Variants in STX8 observed in about 807,000 individuals in gnomAD.
STX8 encodes syntaxin 8, also known as syntaxin-8.
In STX8, 23 loss-of-function variants were observed where a neutral mutation model predicts 37.5. That is an observed-to-expected ratio of 0.61 (90% CI 0.44 to 0.87). The LOEUF is 0.87. STX8 is among the 40% of genes least tolerant of loss of function. The probability of loss-of-function intolerance (pLI) is 0.00; values close to 1 mark genes in which losing one functional copy is unlikely to be tolerated. For missense variants in STX8, 313 were observed against 284.7 expected (o/e 1.10, Z -0.71); for synonymous variants, 115 against 99.1 (o/e 1.16, Z -0.95).
chr17:9,427,222 C>T (rs756973350), intron 6 of STX8, among the ~76,000 whole-genome samples: 3 of 152,066 alleles, frequency 2.0e-5, no homozygotes, highest in Non-Finnish European at 4.4e-5. Flanking sequence ...GTGGCAGACC[C>T]GTTCCCAGGT....
intron 5 of STX8, among the ~76,000 whole-genome samples, chr17:9,495,718 C>T (rs963062924): frequency 6.6e-6 from 1 of 152,204 alleles, no homozygotes; most frequent in African/African-American, 2.4e-5. Context: ...ATTTTCATTA[C>T]ACAATCCAAA....
At chr17:9,325,084 G>C (rs1909711399) in intron 7 of STX8, among the ~76,000 whole-genome samples, 1 of 152,202 alleles carries the variant, frequency 6.6e-6, no homozygotes, top group Non-Finnish European at 1.5e-5. Context: ...GTGATGTACT[G>C]TGTTGCCAGA....
chr17:9,406,361 A>G (rs1004245266), intron 6 of STX8, among the ~76,000 whole-genome samples: 7 of 152,208 alleles, frequency 4.6e-5, no homozygotes, highest in African/African-American at 1.2e-4. Flanking sequence ...GTGGTATACA[A>G]TTTACTGGAG....
intron 6 of STX8, among the ~76,000 whole-genome samples, chr17:9,470,703 T>C: frequency 6.6e-6 from 1 of 152,184 alleles, no homozygotes; most frequent in Non-Finnish European, 1.5e-5. Context: ...CAGAAAAAGC[T>C]AACACAGCAG....
chr17:9,354,446 C>T (rs150317322), intron 7 of STX8, among the ~76,000 whole-genome samples: 27 of 151,618 alleles, frequency 1.8e-4, no homozygotes, highest in South Asian at 8.4e-4. Context: ...CTCGGCTTCC[C>T]GAGTGGTTGG....
intron 7 of STX8, among the ~76,000 whole-genome samples, chr17:9,339,028 G>A (rs565203974): frequency 1.4e-4 from 20 of 144,906 alleles, no homozygotes; most frequent in African/African-American, 5.3e-4. Context: ...CAGAGATCAT[G>A]CCACTGCACT....
intron 3 of STX8, among the ~76,000 whole-genome samples, chr17:9,555,895 CAAA>C (rs1002394213): frequency 1.1e-5 from 1 of 92,098 alleles, no homozygotes; most frequent in Non-Finnish European, 2.4e-5. Flanking sequence ...GACTCCGTCT[CAAA>C]AAAAAAAAAA....
chr17:9,359,199 C>T (rs973832646), intron 7 of STX8, among the ~76,000 whole-genome samples: 4 of 151,644 alleles, frequency 2.6e-5, no homozygotes, highest in East Asian at 3.9e-4. Flanking sequence ...CCTGCCACCA[C>T]GCCTGGCTAA....
chr17:9,276,631 T>TG (rs540815841), intron 7 of STX8, among the ~76,000 whole-genome samples: 27 of 150,940 alleles, frequency 1.8e-4, no homozygotes, highest in Non-Finnish European at 3.1e-4. Context: ...TTTGTTTGTT[T>TG]TTTTTTTTTG....
At chr17:9,503,616 G>A (rs192005936) in intron 5 of STX8, among the ~76,000 whole-genome samples, 7 of 152,264 alleles carry the variant, frequency 4.6e-5, no homozygotes, top group Admixed American at 3.3e-4. Context: ...AAGCCATCCT[G>A]CTGCCTTGGC....
chr17:9,296,311 A>G (rs1011316119), intron 7 of STX8, among the ~76,000 whole-genome samples: 1 of 131,550 alleles, frequency 7.6e-6, no homozygotes, highest in Admixed American at 7.6e-5. Context: ...GCACCACTGC[A>G]CTCCAGCCTG....
intron 5 of STX8, among the ~76,000 whole-genome samples, chr17:9,492,299 A>G (rs62066189): frequency 0.17 from 25,910 of 152,196 alleles, 2,358 homozygotes; most frequent in South Asian, 0.24. Context: ...ATAAAGTTTT[A>G]ACATCGCTAC....
At chr17:9,280,147 C>G (rs1204836194) in intron 7 of STX8, among the ~76,000 whole-genome samples, 1 of 152,114 alleles carries the variant, frequency 6.6e-6, no homozygotes, top group Admixed American at 6.6e-5. Context: ...TCGAGCCTGG[C>G]TGGTCAAGGC....
intron 7 of STX8, among the ~76,000 whole-genome samples, chr17:9,279,311 A>G (rs1044965776): frequency 6.6e-6 from 1 of 151,868 alleles, no homozygotes; most frequent in African/African-American, 2.4e-5. Flanking sequence ...CCCACCTCGA[A>G]TTCCTTACCT....
intron 6 of STX8, chr17:9,452,229 C>T (rs1905064783): frequency 1.3e-5 from 2 of 151,736 alleles, no homozygotes; most frequent in Admixed American, 6.6e-5. Context: ...CATCTCTTAT[C>T]TAAAAATACC....
chr17:9,543,311 T>TG (rs1555535813), intron 4 of STX8, among the ~76,000 whole-genome samples: 1 of 150,790 alleles, frequency 6.6e-6, no homozygotes, highest in Non-Finnish European at 1.5e-5. Context: ...TTTTTTTTTT[T>TG]GAGACGGAGT....
intron 7 of STX8, among the ~76,000 whole-genome samples, chr17:9,308,780 A>G (rs1207552951): frequency 4.0e-5 from 6 of 151,832 alleles, no homozygotes; most frequent in Non-Finnish European, 8.8e-5. Flanking sequence ...TTGGGCAGAA[A>G]GGGAAGCAGG....
chr17:9,479,649 A>C (rs900900103), intron 6 of STX8, among the ~76,000 whole-genome samples: 2 of 150,038 alleles, frequency 1.3e-5, no homozygotes, highest in Admixed American at 1.3e-4. Flanking sequence ...AATTATATGC[A>C]TGGGAGAATT....
At chr17:9,564,100 A>C (rs781133660) in intron 2 of STX8, among the ~76,000 whole-genome samples, 9 of 152,206 alleles carry the variant, frequency 5.9e-5, no homozygotes, top group Non-Finnish European at 1.0e-4. Context: ...TCAAAATAAT[A>C]AGAGCCATCT....
Sources: gnomAD v4.1 joint callset for allele counts (sites outside exome capture counted in the v4.1 genomes callset) on GRCh38, gnomAD v4.1.1 for gene constraint, MANE v1.5 for transcripts, NCBI Gene and HGNC (gene_info 2026-07-23, HGNC 2026-07-21) for gene names.